Variants in SETD3 observed in about 807,000 individuals in gnomAD.
SETD3 encodes the protein SET domain containing 3, actin N3(tau)-histidine methyltransferase, also known as actin-histidine N-methyltransferase.
Under a neutral mutation model 63.0 loss-of-function variants are expected in SETD3, and 19 were observed. The observed-to-expected ratio is 0.30, with a 90% CI of 0.21 to 0.44. SETD3 has a LOEUF of 0.44. SETD3 is among the 20% of genes least tolerant of loss of function. The pLI, the probability that SETD3 is intolerant of heterozygous loss-of-function variation, is 1.00. For missense variants in SETD3, 587 were observed against 728.5 expected, an observed-to-expected ratio of 0.81 and a Z score of 2.24; for synonymous variants, 286 against 264.1, an observed-to-expected ratio of 1.08 and a Z score of -0.80.
chr14:99,479,541 T>G (rs1896150572), intron 1 of SETD3, among the ~76,000 whole-genome samples: 1 of 152,240 alleles, frequency 6.6e-6, no homozygotes, highest in African/African-American at 2.4e-5. Flanking sequence ...TCTCCGAGAT[T>G]ATTACTGGTT....
intron 6 of SETD3, among the ~76,000 whole-genome samples, chr14:99,428,539 G>A (rs185873758): frequency 1.3e-4 from 20 of 152,240 alleles, no homozygotes; most frequent in Non-Finnish European, 2.1e-4. Flanking sequence ...CCACCAACTC[G>A]GAAAGCTGAG....
chr14:99,452,296 G>A (rs1208857633), intron 6 of SETD3, among the ~76,000 whole-genome samples: 3 of 152,288 alleles, frequency 2.0e-5, no homozygotes, highest in South Asian at 2.1e-4. Flanking sequence ...CAGTAGAGAC[G>A]AGGTTTCACC....
intron 6 of SETD3, among the ~76,000 whole-genome samples, chr14:99,418,726 C>T (rs756533716): frequency 6.6e-6 from 1 of 152,104 alleles, no homozygotes. Flanking sequence ...CAAAGCAATA[C>T]TGCACCAATC....
At chr14:99,403,453 A>ACTCTCTCTCTCTCTCT (rs1188702914) in intron 11 of SETD3, among the ~76,000 whole-genome samples, 168 of 106,146 alleles carry the variant, frequency 1.6e-3, no homozygotes, top group East Asian at 7.2e-3. Context: ...ACACACACAC[A>ACTCTCTCTCTCTCTCT]CACTCTCTCT....
intron 6 of SETD3, among the ~76,000 whole-genome samples, chr14:99,415,892 T>G (rs1479954759): frequency 6.6e-6 from 1 of 152,182 alleles, no homozygotes; most frequent in East Asian, 1.9e-4. Context: ...TCTGGCAACT[T>G]GGGAGAGTAG....
intron 6 of SETD3, among the ~76,000 whole-genome samples, chr14:99,429,865 A>C (rs1893077194): frequency 2.6e-5 from 4 of 152,222 alleles, no homozygotes; most frequent in African/African-American, 9.6e-5. Flanking sequence ...TTATATGCTT[A>C]AGGATTTATT....
chr14:99,466,617 G>A (rs939836655), intron 1 of SETD3, among the ~76,000 whole-genome samples: 118 of 3,182 alleles, frequency 0.037, no homozygotes, highest in South Asian at 0.37. Flanking sequence ...GTGAAGAATG[G>A]CGGGGGGGGG....
intron 6 of SETD3, among the ~76,000 whole-genome samples, chr14:99,422,604 TAA>T (rs1892649028): frequency 6.6e-6 from 1 of 151,648 alleles, no homozygotes; most frequent in Non-Finnish European, 1.5e-5. Context: ...CCTGATGTAA[TAA>T]GTCAATCCCA....
At chr14:99,406,010 T>C (rs1175978164) in intron 9 of SETD3, among the ~76,000 whole-genome samples, 7 of 152,186 alleles carry the variant, frequency 4.6e-5, no homozygotes, top group Non-Finnish European at 7.3e-5. Context: ...TAGGAATTTA[T>C]AGACACGTAT....
In SETD3 at chr14:99,463,485, C is replaced by T. The variant is rs749540103; in HGVS notation, c.196+1G>A. 4 of 1,610,834 alleles carry T rather than the reference C, an allele frequency of 2.5e-6. No homozygotes were observed. The Admixed American group carries it at 5.0e-5, about 20-fold the overall frequency. On this transcript the variant is annotated splice_donor_variant, in intron 3 of 12. Transcript: ENST00000331768. LOFTEE classifies it high-confidence loss of function. ...TACAGTTATCATTCTAGCAATTTTA[C>T]CTTTTTGCTTTTTCCGTATTTTCTC...
At chr14:99,462,245 T>C (rs1267680473) in intron 3 of SETD3, among the ~76,000 whole-genome samples, 2 of 152,232 alleles carry the variant, frequency 1.3e-5, no homozygotes, top group Admixed American at 6.5e-5. Context: ...ACATCTGTTA[T>C]ATTAATTTCT....
intron 9 of SETD3, among the ~76,000 whole-genome samples, chr14:99,406,265 T>C (rs1729414241): frequency 6.6e-6 from 1 of 152,248 alleles, no homozygotes; most frequent in Non-Finnish European, 1.5e-5. Flanking sequence ...ATTAGGCCAA[T>C]TGTGCAACTA....
intron 1 of SETD3, among the ~76,000 whole-genome samples, chr14:99,469,535 G>A (rs1895581112): frequency 6.6e-6 from 1 of 152,188 alleles, no homozygotes; most frequent in Admixed American, 6.5e-5. Flanking sequence ...CTTGATCCCA[G>A]GAGTTTGAGA....
chr14:99,474,251 G>A (rs1895853404), intron 1 of SETD3, among the ~76,000 whole-genome samples: 1 of 152,180 alleles, frequency 6.6e-6, no homozygotes, highest in Non-Finnish European at 1.5e-5. Flanking sequence ...TTTAAACCCA[G>A]GAGGTGGAGA....
chr14:99,483,034 A>C (rs1896393004), upstream of SETD3, among the ~76,000 whole-genome samples: 1 of 152,234 alleles, frequency 6.6e-6, no homozygotes, highest in Non-Finnish European at 1.5e-5. Flanking sequence ...GACTTTATAA[A>C]ATCGTTATTC....
intron 6 of SETD3, among the ~76,000 whole-genome samples, chr14:99,454,310 C>G (rs1894632054): frequency 6.6e-6 from 1 of 152,094 alleles, no homozygotes; most frequent in South Asian, 2.1e-4. Context: ...CCACTTCAGC[C>G]TCCCGAGTAG....
intron 2 of SETD3, among the ~76,000 whole-genome samples, chr14:99,464,881 G>A (rs546050939): frequency 3.3e-5 from 5 of 152,286 alleles, no homozygotes; most frequent in Admixed American, 1.3e-4. Flanking sequence ...AGTGGCTCAC[G>A]CCTATAATCC....
chr14:99,400,284 T>C (rs1243532858), intron 11 of SETD3, 25 bp from the exon 12 acceptor site: 1 of 1,603,386 alleles, frequency 6.2e-7, no homozygotes. Flanking sequence ...AATGGCAATC[T>C]GTTAGGAGGA....
chr14:99,406,631 A>C, intron 8 of SETD3, 41 bp from the exon 9 acceptor site: 1 of 1,558,804 alleles, frequency 6.4e-7, no homozygotes, highest in East Asian at 2.2e-5. Context: ...TGAGGCAAAC[A>C]CACGCACATC....
Sources: gnomAD v4.1 joint callset for allele counts (sites outside exome capture counted in the v4.1 genomes callset) on GRCh38, gnomAD v4.1.1 for gene constraint, MANE v1.5 for transcripts, NCBI Gene and HGNC (gene_info 2026-07-23, HGNC 2026-07-21) for gene names.